The following ADAM12 variants were observed in gnomAD, a reference collection of about 807,000 sequenced individuals.
ADAM12 encodes disintegrin and metalloproteinase domain-containing protein 12.
In ADAM12, 70 loss-of-function variants were observed where a neutral mutation model predicts 106.4. The ratio of observed to expected loss-of-function variants is 0.66; its 90% CI spans 0.54 to 0.80. The LOEUF (loss-of-function observed/expected upper bound fraction) is 0.80, where lower values mean the gene tolerates loss of function less well. Among genes scored for constraint, ADAM12 ranks in the 30% least tolerant of loss-of-function variants. The probability of loss-of-function intolerance (pLI) is 0.00; values close to 1 mark genes in which losing one functional copy is unlikely to be tolerated. For synonymous variants in ADAM12, 420 were observed against 433.5 expected (o/e 0.97, Z 0.39); for missense variants, 1,010 against 1,171.9 (o/e 0.86, Z 2.02).
At chr10:126,078,336 C>T (rs1347154513) in intron 11 of ADAM12, among the ~76,000 whole-genome samples, 1 of 152,178 alleles carries the variant, frequency 6.6e-6, no homozygotes, top group Non-Finnish European at 1.5e-5. Flanking sequence ...GAACCTGGTC[C>T]CATGCCCCCC....
At chr10:126,358,477 A>T (rs1404303957) in intron 1 of ADAM12, among the ~76,000 whole-genome samples, 3 of 152,214 alleles carry the variant, frequency 2.0e-5, no homozygotes, top group East Asian at 1.9e-4. Context: ...CAAATTAGGC[A>T]TAGAAGAAAT....
chr10:126,330,931 A>G (rs1247498263), intron 1 of ADAM12, among the ~76,000 whole-genome samples: 1 of 152,206 alleles, frequency 6.6e-6, no homozygotes, highest in Non-Finnish European at 1.5e-5. Flanking sequence ...GTCCCAGTGA[A>G]TCTGTTAAAC....
intron 6 of ADAM12, among the ~76,000 whole-genome samples, chr10:126,115,835 C>G (rs1251277773): frequency 6.6e-6 from 1 of 152,090 alleles, no homozygotes; most frequent in African/African-American, 2.4e-5. Context: ...AGGTGCTAAC[C>G]AAAACAATCT....
intron 5 of ADAM12, among the ~76,000 whole-genome samples, chr10:126,120,963 T>TATATATTACATATGTAATATAATATATA (rs1491349177): frequency 1.5e-5 from 2 of 132,308 alleles, no homozygotes; most frequent in South Asian, 2.1e-4. Flanking sequence ...TAATATATAT[T>TATATATTACATATGTAATATAATATATA]ATATATTACA....
chr10:126,115,660 C>T (rs1022468836), intron 6 of ADAM12, among the ~76,000 whole-genome samples: 1 of 152,086 alleles, frequency 6.6e-6, no homozygotes, highest in African/African-American at 2.4e-5. Context: ...CCAGTCTTTG[C>T]AATAGTTAAC....
chr10:126,121,332 ATAT>A (rs1239545466), intron 5 of ADAM12, among the ~76,000 whole-genome samples: 1 of 120,712 alleles, frequency 8.3e-6, no homozygotes, highest in East Asian at 2.3e-4. Context: ...TACATAATAT[ATAT>A]TATCTTACAT....
intron 1 of ADAM12, among the ~76,000 whole-genome samples, chr10:126,331,857 G>A (rs1854522282): frequency 6.6e-6 from 1 of 152,172 alleles, no homozygotes; most frequent in Non-Finnish European, 1.5e-5. Context: ...GGCTCTGATG[G>A]TGATATCTGT....
chr10:126,026,745 C>G (rs1953881048), intron 21 of ADAM12, among the ~76,000 whole-genome samples: 2 of 152,048 alleles, frequency 1.3e-5, no homozygotes, highest in South Asian at 4.1e-4. Context: ...GCCAACATAC[C>G]AGAATCTCTG....
chr10:126,125,162 A>G (rs977192258), intron 5 of ADAM12, among the ~76,000 whole-genome samples: 31 of 151,356 alleles, frequency 2.0e-4, no homozygotes, highest in African/African-American at 7.3e-4. Context: ...AAAACTCTGG[A>G]CCTATCAGCA....
chr10:126,283,652 C>A (rs992751757), intron 2 of ADAM12, among the ~76,000 whole-genome samples: 1 of 152,152 alleles, frequency 6.6e-6, no homozygotes, highest in Admixed American at 6.5e-5. Flanking sequence ...TTCCTGCTTT[C>A]TTCCTCCTCC....
At chr10:126,206,571 T>G (rs1256532054) in intron 3 of ADAM12, among the ~76,000 whole-genome samples, 1 of 152,106 alleles carries the variant, frequency 6.6e-6, no homozygotes, top group Non-Finnish European at 1.5e-5. Flanking sequence ...CACATCTCAC[T>G]CAAAAAGTAC....
intron 2 of ADAM12, among the ~76,000 whole-genome samples, chr10:126,295,333 A>G (rs899658910): frequency 6.6e-6 from 1 of 152,152 alleles, no homozygotes; most frequent in African/African-American, 2.4e-5. Flanking sequence ...TTCTATCACA[A>G]CTTGGACAGG....
chr10:126,111,226 A>G (rs1955861360), intron 6 of ADAM12, among the ~76,000 whole-genome samples: 1 of 152,238 alleles, frequency 6.6e-6, no homozygotes, highest in Non-Finnish European at 1.5e-5. Context: ...CAGGAAAGGT[A>G]CAATTTCTCA....
intron 11 of ADAM12, among the ~76,000 whole-genome samples, chr10:126,075,263 A>G (rs1343019270): frequency 6.6e-6 from 1 of 152,234 alleles, no homozygotes; most frequent in Non-Finnish European, 1.5e-5. Flanking sequence ...GCAAGGAGGC[A>G]GGTGACTATT....
chr10:126,149,545 T>A (rs182258161), intron 4 of ADAM12, among the ~76,000 whole-genome samples: 12 of 152,272 alleles, frequency 7.9e-5, no homozygotes, highest in African/African-American at 2.6e-4. Flanking sequence ...TTTGAGTCAG[T>A]GGACTGGGAG....
At chr10:126,188,360 A>C (rs149986541) in intron 3 of ADAM12, among the ~76,000 whole-genome samples, 12 of 152,312 alleles carry the variant, frequency 7.9e-5, no homozygotes, top group Non-Finnish European at 1.8e-4. Flanking sequence ...AAAAGCCTTC[A>C]AGACTCAGTG....
chr10:126,388,186 C>G lies in ADAM12; in HGVS notation c.-41G>C. 8.3e-7 allele frequency: 1 copy of G among 1,201,612 alleles called. No homozygotes were observed. The highest frequency in any genetic ancestry group is 4.1e-5 in the South Asian group (1 of 24,128). The allele number at this position is 1,201,612 out of a possible 1,614,324, so 74.4% of individuals were successfully genotyped here. On this transcript the variant is annotated 5_prime_UTR_variant, in exon 1 of 23. Coordinates refer to ENST00000448723, the MANE Select transcript of ADAM12 (RefSeq NM_001288973.2). The surrounding 1 kb of genome is among the most constrained non-coding windows in gnomAD (Gnocchi z 4.4). ...GTGCAGCAGCTCTCGGGCCCGGCGG[C>G]GAGCGCTGCACCATCCCACGCGGGC...
chr10:126,053,986 C>T lies in ADAM12; in HGVS notation c.1610-4317G>A, dbSNP rs1393437192. On this transcript the variant is annotated intron_variant, in intron 14 of 22. Coordinates refer to ENST00000448723, the MANE Select transcript of ADAM12 (RefSeq NM_001288973.2). The surrounding 1 kb of genome is among the most constrained non-coding windows in gnomAD (Gnocchi z 4.6). ...CCTCCCAAAATGCTGGGATTACAGG[C>T]GTGAGCCACCGTACCTGGCCTGGTC... Among the ~76,000 whole-genome samples, 2 of 152,176 alleles carry T rather than the reference C, an allele frequency of 1.3e-5. No individual in the cohort carries two copies.
intron 2 of ADAM12, among the ~76,000 whole-genome samples, chr10:126,330,204 G>A (rs1854458888): frequency 6.6e-6 from 1 of 152,198 alleles, no homozygotes; most frequent in Non-Finnish European, 1.5e-5. Context: ...ATTTTCAGTA[G>A]ATGCAAATAA....
Sources: allele counts gnomAD v4.1 joint callset (sites outside exome capture counted in the v4.1 genomes callset), GRCh38; gene constraint gnomAD v4.1.1; non-coding constraint Gnocchi (gnomAD v3.1); transcripts MANE v1.5; gene names NCBI Gene and HGNC (gene_info 2026-07-23, HGNC 2026-07-21).